ZNF254: variants seen among roughly 807,000 people sequenced by gnomAD.
The protein encoded by ZNF254 is zinc finger protein 254.
ZNF254 carries 10 observed loss-of-function variants against 12.4 expected under a neutral mutation model. That is an observed-to-expected ratio of 0.80 (90% CI 0.50 to 1.36). The LOEUF (loss-of-function observed/expected upper bound fraction) is 1.36. ZNF254 is among the 40% of genes most tolerant of loss of function. The probability of loss-of-function intolerance (pLI) is 0.00; values close to 1 mark genes in which losing one functional copy is unlikely to be tolerated. For synonymous variants in ZNF254, 305 were observed against 253.4 expected (o/e 1.20, Z -1.93); for missense variants, 996 against 763.9 (o/e 1.30, Z -3.58).
intron 2 of ZNF254, chr19:24,079,159 G>T (rs1047176714): frequency 2.6e-5 from 4 of 152,162 alleles, no homozygotes; most frequent in African/African-American, 9.7e-5. Flanking sequence ...AAACCCTGCA[G>T]CAGGCATGTC....
intron 2 of ZNF254, among the ~76,000 whole-genome samples, chr19:24,062,100 A>AG (rs1459955557): frequency 7.5e-6 from 1 of 133,386 alleles, no homozygotes; most frequent in Non-Finnish European, 1.6e-5. Context: ...AAAAAAAAAA[A>AG]AAGAAAAAGA....
intron 1 of ZNF254, among the ~76,000 whole-genome samples, chr19:24,100,126 C>T (rs1461924621): frequency 6.6e-6 from 1 of 152,062 alleles, no homozygotes; most frequent in African/African-American, 2.4e-5. Flanking sequence ...TTTCTACAAA[C>T]TTTATAGGGC....
intron 1 of ZNF254, among the ~76,000 whole-genome samples, chr19:24,100,254 G>C (rs1481487567): frequency 6.8e-6 from 1 of 147,394 alleles, no homozygotes; most frequent in Non-Finnish European, 1.5e-5. Context: ...AGTAGACATG[G>C]AGACATGAGA....
chr19:24,065,406 A>T (rs949875411), intron 2 of ZNF254: 1 of 152,134 alleles, frequency 6.6e-6, no homozygotes, highest in African/African-American at 2.4e-5. Flanking sequence ...AGATTGTGAC[A>T]TAACCCTGGC....
intron 1 of ZNF254, among the ~76,000 whole-genome samples, chr19:24,094,039 A>G (rs1040348906): frequency 6.6e-6 from 1 of 152,002 alleles, no homozygotes; most frequent in Admixed American, 6.6e-5. Flanking sequence ...GGCAGTTGTG[A>G]AGGGATTGTG....
At chr19:24,063,734 A>C (rs1379770598) in intron 2 of ZNF254, 1 of 151,932 alleles carries the variant, frequency 6.6e-6, no homozygotes, top group Non-Finnish European at 1.5e-5. Flanking sequence ...TTCTGCTCAC[A>C]AAAGAGATTA....
chr19:24,122,423 C>G (rs1335468964), intron 3 of ZNF254, among the ~76,000 whole-genome samples: 1 of 152,036 alleles, frequency 6.6e-6, no homozygotes, highest in African/African-American at 2.4e-5. Context: ...TGGGGTTTCA[C>G]CATCTTGGCC....
upstream of ZNF254, among the ~76,000 whole-genome samples, chr19:24,084,094 C>T (rs1230749293): frequency 6.7e-5 from 10 of 150,096 alleles, no homozygotes; most frequent in East Asian, 1.9e-3. Flanking sequence ...CTAATTAATG[C>T]CCATCAACTA....
At chr19:24,041,585 C>T (rs12972331) in intron 1 of ZNF254, among the ~76,000 whole-genome samples, 1 of 152,394 alleles carries the variant, frequency 6.6e-6, no homozygotes, top group East Asian at 1.9e-4. Context: ...CCCGCCATGC[C>T]TGAGCCTCCC....
intron 3 of ZNF254, among the ~76,000 whole-genome samples, chr19:24,115,401 C>T (rs890126133): frequency 1.3e-5 from 2 of 151,990 alleles, no homozygotes; most frequent in Non-Finnish European, 2.9e-5. Flanking sequence ...TGGAAATCAT[C>T]ATTCTCAGTA....
intron 3 of ZNF254, among the ~76,000 whole-genome samples, chr19:24,117,821 G>A (rs146898043): frequency 0.021 from 3,175 of 151,940 alleles, 67 homozygotes; most frequent in Non-Finnish European, 0.026. Flanking sequence ...GGAGCTGTTC[G>A]TATTTGGCCA....
At chr19:24,083,953 A>T (rs1361774158), upstream of ZNF254, among the ~76,000 whole-genome samples, 3 of 152,002 alleles carry the variant, frequency 2.0e-5, no homozygotes, top group Non-Finnish European at 4.4e-5. Context: ...TAAAAGTAGA[A>T]CTACCGTTTG....
intron 3 of ZNF254, among the ~76,000 whole-genome samples, chr19:24,124,258 C>G (rs996458647): frequency 6.6e-6 from 1 of 151,900 alleles, no homozygotes; most frequent in Non-Finnish European, 1.5e-5. Context: ...TACCTTCCCT[C>G]AAATTTGTCA....
At chr19:24,113,756 C>T (rs1031885683) in intron 3 of ZNF254, among the ~76,000 whole-genome samples, 6 of 152,166 alleles carry the variant, frequency 3.9e-5, no homozygotes, top group African/African-American at 1.4e-4. Context: ...TCCCTGTTTG[C>T]AGATGACATG....
intron 1 of ZNF254, among the ~76,000 whole-genome samples, chr19:24,099,349 T>TG (rs1972870692): frequency 1.3e-5 from 2 of 151,944 alleles, no homozygotes; most frequent in Non-Finnish European, 2.9e-5. Context: ...CTGTGGGAAT[T>TG]GGCATTCACC....
intron 1 of ZNF254, among the ~76,000 whole-genome samples, chr19:24,034,285 C>G (rs1315222359): frequency 9.3e-6 from 1 of 107,610 alleles, no homozygotes; most frequent in Non-Finnish European, 2.2e-5. Context: ...CTGCAGATGT[C>G]CCAGCCTGCT....
chr19:24,118,476 T>G (rs1974262038), intron 3 of ZNF254, among the ~76,000 whole-genome samples: 1 of 152,152 alleles, frequency 6.6e-6, no homozygotes, highest in East Asian at 1.9e-4. Context: ...AATTAGAAAT[T>G]TTTTGTGTCC....
Position 24,126,940 on chromosome 19 carries a change from A to C in ZNF254, c.940A>C (p.Lys314Gln). 2 of 1,613,622 alleles carry C rather than the reference A, an allele frequency of 1.2e-6. No individual in the cohort carries two copies. Among genetic ancestry groups the C allele is most frequent in the Non-Finnish European group, 1.7e-6 (2 of 1,179,790 alleles). ...IWSSTLTEHK[K>Q]IHTRKKPYKC... ...GTCCTCAACCCTTACTGAGCATAAG[A>C]AAATTCATACTAGAAAGAAACCCTA... Residue 314 changes from lysine to glutamine, a missense_variant, in exon 4 of 4, where the codon AAA becomes CAA. Transcript: ENST00000357002.
chr19:24,118,571 A>T (rs1974268543), intron 3 of ZNF254, among the ~76,000 whole-genome samples: 1 of 152,048 alleles, frequency 6.6e-6, no homozygotes, highest in African/African-American at 2.4e-5. Context: ...AAATTTATTT[A>T]GTTTTAAAAG....
Sources: allele counts gnomAD v4.1 joint callset (sites outside exome capture counted in the v4.1 genomes callset), GRCh38; gene constraint gnomAD v4.1.1; transcripts MANE v1.5; gene names NCBI Gene and HGNC (gene_info 2026-07-23, HGNC 2026-07-21).